The following STPG2 variants were observed in gnomAD, a reference collection of about 807,000 sequenced individuals.
The protein encoded by STPG2 is sperm-tail PG-rich repeat-containing protein 2.
In STPG2, 56 loss-of-function variants were observed where a neutral mutation model predicts 54.2. The ratio of observed to expected loss-of-function variants is 1.03; its 90% CI spans 0.83 to 1.29. STPG2 has a LOEUF of 1.29. STPG2 is among the 50% of genes most tolerant of loss of function. The pLI is 0.00. For synonymous variants in STPG2, 200 were observed against 181.8 expected (o/e 1.10, Z -0.81); for missense variants, 596 against 544.9 (o/e 1.09, Z -0.93).
At chr4:97,763,061 T>G (rs768175323) in intron 9 of STPG2, among the ~76,000 whole-genome samples, 35 of 152,282 alleles carry the variant, frequency 2.3e-4, no homozygotes, top group Non-Finnish European at 1.2e-4. Flanking sequence ...GACAAATTTG[T>G]TTTGTATTAT....
At chr4:97,770,800 T>G (rs1206162060) in intron 9 of STPG2, among the ~76,000 whole-genome samples, 1 of 152,198 alleles carries the variant, frequency 6.6e-6, no homozygotes, top group East Asian at 1.9e-4. Flanking sequence ...AGAATGGAAT[T>G]GTCGCTATTG....
At chr4:97,791,935 A>C (rs1398116510) in intron 9 of STPG2, among the ~76,000 whole-genome samples, 1 of 152,286 alleles carries the variant, frequency 6.6e-6, no homozygotes, top group East Asian at 1.9e-4. Flanking sequence ...CATTGGTAGA[A>C]GAATGCTCAA....
At chr4:97,829,821 A>G (rs1728389947) in intron 9 of STPG2, among the ~76,000 whole-genome samples, 1 of 152,162 alleles carries the variant, frequency 6.6e-6, no homozygotes, top group Non-Finnish European at 1.5e-5. Flanking sequence ...AGAGAAAATG[A>G]GAGAAAAAAA....
intron 10 of STPG2, among the ~76,000 whole-genome samples, chr4:97,595,071 A>G (rs2148901284): frequency 6.6e-6 from 1 of 152,166 alleles, no homozygotes; most frequent in East Asian, 1.9e-4. Flanking sequence ...ACCTAGAAAT[A>G]CCATTTGACT....
intron 4 of STPG2, among the ~76,000 whole-genome samples, chr4:97,447,271 A>T (rs1729246691): frequency 6.6e-6 from 1 of 152,218 alleles, no homozygotes. Flanking sequence ...TGGAGCATAA[A>T]AGTTTGAAAA....
At chr4:98,042,469 T>C (rs571170262) in intron 5 of STPG2, among the ~76,000 whole-genome samples, 1 of 152,012 alleles carries the variant, frequency 6.6e-6, no homozygotes, top group Non-Finnish European at 1.5e-5. Flanking sequence ...ACTATAAACT[T>C]CCCTCTTAAC....
chr4:98,088,756 C>A (rs980588612), intron 5 of STPG2, among the ~76,000 whole-genome samples: 3 of 151,234 alleles, frequency 2.0e-5, no homozygotes, highest in African/African-American at 7.3e-5. Flanking sequence ...AAAGAGTGAG[C>A]TGTTTATATT....
chr4:97,836,677 C>T (rs981781418), intron 9 of STPG2, among the ~76,000 whole-genome samples: 4 of 151,460 alleles, frequency 2.6e-5, no homozygotes, highest in Non-Finnish European at 5.9e-5. Flanking sequence ...CTTGTTTGTC[C>T]CCATGGAATT....
intron 8 of STPG2, among the ~76,000 whole-genome samples, chr4:97,933,958 A>T (rs566188052): frequency 6.6e-6 from 1 of 152,320 alleles, no homozygotes; most frequent in South Asian, 2.1e-4. Context: ...TTTGGGCAGT[A>T]TGCCTGTTTT....
intron 8 of STPG2, among the ~76,000 whole-genome samples, chr4:97,922,722 AT>A (rs1285865814): frequency 2.0e-5 from 3 of 152,204 alleles, no homozygotes; most frequent in Non-Finnish European, 4.4e-5. Flanking sequence ...TAGACAGCAT[AT>A]GCAAGGTTAG....
chr4:97,624,079 A>T (rs953653797), intron 10 of STPG2, among the ~76,000 whole-genome samples: 1 of 152,186 alleles, frequency 6.6e-6, no homozygotes, highest in African/African-American at 2.4e-5. Flanking sequence ...TGATACTGTG[A>T]ATAGTGGTGC....
At chr4:97,902,495 G>A (rs902999503) in intron 8 of STPG2, among the ~76,000 whole-genome samples, 1 of 152,016 alleles carries the variant, frequency 6.6e-6, no homozygotes, top group Non-Finnish European at 1.5e-5. Context: ...ACTTGAATAA[G>A]ATATTTTTCT....
chr4:97,679,347 G>C (rs1227775056), intron 10 of STPG2, among the ~76,000 whole-genome samples: 1 of 152,014 alleles, frequency 6.6e-6, no homozygotes, highest in African/African-American at 2.4e-5. Flanking sequence ...ATCTCATTGT[G>C]GTTTTGATTT....
chr4:98,142,292 G>GT (rs1740318293), intron 1 of STPG2, among the ~76,000 whole-genome samples: 1 of 152,118 alleles, frequency 6.6e-6, no homozygotes, highest in Non-Finnish European at 1.5e-5. Context: ...AAAATACATA[G>GT]TGTAGGTATG....
chr4:97,747,468 A>T (rs1725454781), intron 9 of STPG2, among the ~76,000 whole-genome samples: 1 of 151,394 alleles, frequency 6.6e-6, no homozygotes, highest in Non-Finnish European at 1.5e-5. Context: ...TTTCTGTCCC[A>T]ATTTTTTTGG....
At chr4:97,926,561 C>A (rs758238980) in intron 8 of STPG2, among the ~76,000 whole-genome samples, 2 of 152,138 alleles carry the variant, frequency 1.3e-5, no homozygotes, top group Non-Finnish European at 1.5e-5. Context: ...ACTATTGTCT[C>A]TGAAATGAAC....
At chr4:98,115,298 A>G (rs1183793355) in intron 3 of STPG2, among the ~76,000 whole-genome samples, 2 of 151,990 alleles carry the variant, frequency 1.3e-5, no homozygotes, top group Admixed American at 1.3e-4. Context: ...CCAGCATGTT[A>G]TCATTAGCAA....
intron 10 of STPG2, among the ~76,000 whole-genome samples, chr4:97,669,728 G>A (rs1722640319): frequency 1.0e-5 from 1 of 95,464 alleles, no homozygotes; most frequent in Admixed American, 1.2e-4. Context: ...CCCGGGAAGC[G>A]GAGCTTGCAG....
intron 10 of STPG2, among the ~76,000 whole-genome samples, chr4:97,583,373 T>C (rs1732908005): frequency 1.3e-5 from 2 of 152,106 alleles, no homozygotes; most frequent in Admixed American, 1.3e-4. Flanking sequence ...AGAGAACTAG[T>C]CTCATCATGA....
Sources: gnomAD v4.1 joint callset for allele counts (sites outside exome capture counted in the v4.1 genomes callset) on GRCh38, gnomAD v4.1.1 for gene constraint, MANE v1.5 for transcripts, NCBI Gene and HGNC (gene_info 2026-07-23, HGNC 2026-07-21) for gene names.